The following PDE6A variants were observed in gnomAD, a reference collection of about 807,000 sequenced individuals.
PDE6A encodes the protein phosphodiesterase 6A, also known as rod cGMP-specific 3',5'-cyclic phosphodiesterase subunit alpha.
In PDE6A, 84 loss-of-function variants were observed where a neutral mutation model predicts 106.3. That is an observed-to-expected ratio of 0.79 (90% CI 0.66 to 0.95). PDE6A has a LOEUF of 0.95. Among genes scored for constraint, PDE6A ranks in the 40% least tolerant of loss-of-function variants. The pLI is 0.00. For synonymous variants in PDE6A, 394 were observed against 386.6 expected, an observed-to-expected ratio of 1.02 and a Z score of -0.23; for missense variants, 1,052 against 1,084.9, an observed-to-expected ratio of 0.97 and a Z score of 0.43.
At chr5:149,929,777 G>A (rs992829594) in intron 4 of PDE6A, among the ~76,000 whole-genome samples, 4 of 152,100 alleles carry the variant, frequency 2.6e-5, no homozygotes, top group Non-Finnish European at 5.9e-5. Flanking sequence ...TACTGAAAAA[G>A]GTATGAAGGA....
At chr5:149,915,286 G>A (rs1213807559) in intron 5 of PDE6A, among the ~76,000 whole-genome samples, 1 of 152,062 alleles carries the variant, frequency 6.6e-6, no homozygotes, top group African/African-American at 2.4e-5. Flanking sequence ...TGGGATTACA[G>A]GCGTGAGCCA....
intron 6 of PDE6A, among the ~76,000 whole-genome samples, chr5:149,907,676 C>G (rs1274747708): frequency 1.3e-5 from 2 of 152,204 alleles, no homozygotes; most frequent in Non-Finnish European, 2.9e-5. Flanking sequence ...CAAACACCAT[C>G]ACTTCCCTCA....
At chr5:149,892,624 G>A (rs1023068431) in intron 13 of PDE6A, among the ~76,000 whole-genome samples, 2 of 151,744 alleles carry the variant, frequency 1.3e-5, no homozygotes, top group Non-Finnish European at 2.9e-5. Context: ...CTGAGTAGCT[G>A]GGACCACAGG....
chr5:149,888,679 TGAG>T (rs1260072155), intron 13 of PDE6A, among the ~76,000 whole-genome samples: 3 of 140,142 alleles, frequency 2.1e-5, no homozygotes, highest in Non-Finnish European at 4.5e-5. Context: ...TACTCCAAAA[TGAG>T]AAGAGGAAAA....
At chr5:149,888,271 G>C (rs1350429142) in intron 13 of PDE6A, among the ~76,000 whole-genome samples, 1 of 151,960 alleles carries the variant, frequency 6.6e-6, no homozygotes, top group Admixed American at 6.6e-5. Flanking sequence ...TTGTACTATG[G>C]GGAACTACAT....
At position 149,863,160 on chromosome 5, in the gene PDE6A, A is replaced by C. The variant is rs1760203140; in HGVS notation, c.2465T>G (p.Val822Gly). The C allele has an allele frequency of 6.2e-7, 1 of 1,613,890 alleles. No individual in the cohort carries two copies. Among genetic ancestry groups the C allele is most frequent in the African/African-American group, 1.3e-5 (1 of 74,864 alleles). Residue 822 changes from valine to glycine, a missense_variant, in exon 21 of 22, where the codon GTG becomes GGG. Transcript: ENST00000255266. This position sits in a 1 kb window ranked among gnomAD's most constrained non-coding sequence, Gnocchi z 4.7. The stretch of plus-strand genomic sequence containing the variant: ...CTGTTTCTGCTTCTTCTCCTCCTGC[A>C]CCTTCATCTTGGCATCGTACTCATC... ...LADEYDAKMK[V>G]QEEKKQKQQS...
chr5:149,905,439 G>T (rs1753146125), intron 7 of PDE6A, among the ~76,000 whole-genome samples: 1 of 152,164 alleles, frequency 6.6e-6, no homozygotes, highest in Non-Finnish European at 1.5e-5. Context: ...CCTAAAAAAT[G>T]TCATAGTTTT....
intron 17 of PDE6A, among the ~76,000 whole-genome samples, chr5:149,872,622 C>T (rs183004061): frequency 1.3e-5 from 2 of 152,146 alleles, no homozygotes. Context: ...CTTAGCCAGC[C>T]CTTTCAGGAC....
rs113551142 is a variant in PDE6A at position 149,868,165 on chromosome 5, A to G, written c.2136-7T>C. On this transcript the variant is annotated splice_region_variant and splice_polypyrimidine_tract_variant and intron_variant, in intron 17 of 21. Coordinates refer to ENST00000255266, the MANE Select transcript of PDE6A (RefSeq NM_000440.3). ...GGCGGTCATCATCATGGCCCTGGGCACACAGGACACCCTCTATCAGTCCAG... is the reference window on the plus strand; with the variant it reads ...GGCGGTCATCATCATGGCCCTGGGCGCACAGGACACCCTCTATCAGTCCAG... 6 of 1,613,774 alleles carry G rather than the reference A, an allele frequency of 3.7e-6. No individual in the cohort carries two copies.
intron 4 of PDE6A, among the ~76,000 whole-genome samples, chr5:149,922,610 C>T (rs1753755898): frequency 6.6e-6 from 1 of 152,146 alleles, no homozygotes; most frequent in Non-Finnish European, 1.5e-5. Flanking sequence ...CCATGCCTGG[C>T]CCACAACAAA....
At chr5:149,924,925 G>C (rs1422055453) in intron 4 of PDE6A, among the ~76,000 whole-genome samples, 1 of 152,124 alleles carries the variant, frequency 6.6e-6, no homozygotes, top group African/African-American at 2.4e-5. Flanking sequence ...AAGGAGGAGA[G>C]ACCCTTGAAA....
At position 149,899,504 on chromosome 5, in the gene PDE6A, A is replaced by G. The variant is rs1752887605; in HGVS notation, c.1134T>C (p.Ser378=). 1.2e-6 allele frequency: 2 copies of G among 1,614,180 alleles called. No individual in the cohort carries two copies. Among genetic ancestry groups the G allele is most frequent in the African/African-American group, 1.3e-5 (1 of 75,050 alleles). Residue 378 remains serine, a synonymous_variant, in exon 9 of 22, where the codon TCT becomes TCC. Transcript: ENST00000255266. ...AAAGCACATTTTTAATCATCCATCC[A>G]GACTCATCCAGAGGTTCTTTCTACA... ...FAFQKEPLDE[S]GWMIKNVLSM... is the part of the protein sequence containing the mutation.
chr5:149,918,475 A>G (rs371734646), intron 5 of PDE6A, among the ~76,000 whole-genome samples: 10 of 152,270 alleles, frequency 6.6e-5, no homozygotes, highest in African/African-American at 2.4e-4. Flanking sequence ...TGCTAACAGC[A>G]GCTGCTTCAC....
chr5:149,930,749 T>C (rs555113350), intron 4 of PDE6A, among the ~76,000 whole-genome samples: 2 of 152,222 alleles, frequency 1.3e-5, no homozygotes, highest in Non-Finnish European at 2.9e-5. Context: ...TCTTTATCAC[T>C]GGCCTTCATC....
chr5:149,861,571 G>C (rs1371940879), intron 21 of PDE6A, among the ~76,000 whole-genome samples: 1 of 152,114 alleles, frequency 6.6e-6, no homozygotes, highest in Non-Finnish European at 1.5e-5. Context: ...GATCGCTTGA[G>C]GCCGGGAATT....
At position 149,944,768 on chromosome 5, in the gene PDE6A, T is replaced by C. The variant is rs1400089824; in HGVS notation, c.-95A>G. On this transcript the variant is annotated 5_prime_UTR_variant, in exon 1 of 22. Transcript: ENST00000255266. ...CTGCAACAAGTCCAGTCTGGACTTC[T>C]CTGGGTCTTGTCTGCAAAACATACT... The C allele has an allele frequency of 2.1e-6, 2 of 966,394 alleles. No homozygotes were observed. Among genetic ancestry groups the C allele is most frequent in the African/African-American group, 1.6e-5 (1 of 62,024 alleles). The allele number at this position is 966,394 out of a possible 1,614,324, so 59.9% of individuals were successfully genotyped here.
intron 5 of PDE6A, among the ~76,000 whole-genome samples, chr5:149,915,866 A>G (rs1373138628): frequency 6.6e-6 from 1 of 151,290 alleles, no homozygotes; most frequent in Non-Finnish European, 1.5e-5. Flanking sequence ...ACCTGCTGCA[A>G]CTCTAGGACT....
chr5:149,890,213 T>G (rs535875002), intron 13 of PDE6A, among the ~76,000 whole-genome samples: 1 of 152,074 alleles, frequency 6.6e-6, no homozygotes, highest in Non-Finnish European at 1.5e-5. Context: ...TACCTCAGTC[T>G]CCCAAAGTGC....
At chr5:149,883,030 C>T (rs1436041384) in intron 17 of PDE6A, among the ~76,000 whole-genome samples, 4 of 152,164 alleles carry the variant, frequency 2.6e-5, no homozygotes, top group Non-Finnish European at 5.9e-5. Flanking sequence ...TACACTCCAG[C>T]CTGGGCGACA....
Sources: allele counts gnomAD v4.1 joint callset (sites outside exome capture counted in the v4.1 genomes callset), GRCh38; gene constraint gnomAD v4.1.1; non-coding constraint Gnocchi (gnomAD v3.1); transcripts MANE v1.5; gene names NCBI Gene and HGNC (gene_info 2026-07-23, HGNC 2026-07-21).